The following PKNOX1 variants were observed in gnomAD, a reference collection of about 807,000 sequenced individuals.
PKNOX1 encodes homeobox protein PKNOX1.
In PKNOX1, 15 loss-of-function variants were observed where a neutral mutation model predicts 51.9. That is an observed-to-expected ratio of 0.29 (90% CI 0.19 to 0.45). The LOEUF is 0.45. PKNOX1 is among the 20% of genes least tolerant of loss of function. The pLI is 1.00. For missense variants in PKNOX1, 462 were observed against 547.5 expected, an observed-to-expected ratio of 0.84 and a Z score of 1.56; for synonymous variants, 219 against 211.1, an observed-to-expected ratio of 1.04 and a Z score of -0.32.
chr21:42,987,402 A>ATATATATAT (rs1386575562), intron 1 of PKNOX1, among the ~76,000 whole-genome samples: 2 of 62,584 alleles, frequency 3.2e-5, no homozygotes, highest in African/African-American at 6.0e-5. Context: ...AAAAAAAAAA[A>ATATATATAT]AAATATATAT....
chr21:43,029,147 T>A (rs972908145), intron 10 of PKNOX1, among the ~76,000 whole-genome samples: 5 of 152,214 alleles, frequency 3.3e-5, no homozygotes, highest in Non-Finnish European at 7.3e-5. Context: ...GTCATGCCCA[T>A]GGATCTTCTC....
At chr21:42,993,467 T>C (rs2059099711) in intron 1 of PKNOX1, among the ~76,000 whole-genome samples, 2 of 151,998 alleles carry the variant, frequency 1.3e-5, no homozygotes, top group South Asian at 4.1e-4. Context: ...ACCTTCAGTT[T>C]GTGGAAGTGG....
intron 1 of PKNOX1, among the ~76,000 whole-genome samples, chr21:42,980,942 G>A (rs1433788463): frequency 1.3e-5 from 2 of 152,176 alleles, no homozygotes; most frequent in African/African-American, 4.8e-5. Flanking sequence ...TCCATTTGTA[G>A]GAATATATGG....
At chr21:43,000,566 CCCACAACA>C (rs2146256630) in intron 1 of PKNOX1, among the ~76,000 whole-genome samples, 1 of 152,268 alleles carries the variant, frequency 6.6e-6, no homozygotes. Flanking sequence ...CTGGGTCCCT[CCCACAACA>C]CGTGGGAATT....
Position 43,018,474 on chromosome 21 carries a change from C to CA in PKNOX1, c.720+244_720+245insA. Among the ~76,000 whole-genome samples the CA allele has an allele frequency of 1.4e-3, 20 of 14,440 alleles. 7 individuals are homozygous for CA. The highest frequency in any genetic ancestry group is 1.8e-3 in the Non-Finnish European group (12 of 6,652). 9.5% of individuals were successfully genotyped at this position (14,440 alleles called of 152,430 possible). ...GTCACTCATAACCACCCCCTGCCAC[C>CA]CACACACACACACACACACACACAC... On this transcript the variant is annotated intron_variant, in intron 7 of 10. Coordinates refer to ENST00000291547, the MANE Select transcript of PKNOX1 (RefSeq NM_004571.5).
intron 1 of PKNOX1, among the ~76,000 whole-genome samples, chr21:42,978,853 C>G (rs998010192): frequency 9.2e-5 from 14 of 152,248 alleles, no homozygotes; most frequent in African/African-American, 3.1e-4. Context: ...CTCCTGGCCT[C>G]AAGTGGTCCT....
At chr21:42,978,435 A>T (rs1015039766) in intron 1 of PKNOX1, among the ~76,000 whole-genome samples, 1 of 148,728 alleles carries the variant, frequency 6.7e-6, no homozygotes, top group African/African-American at 2.5e-5. Flanking sequence ...TTGGAAAGAA[A>T]CTTCTGCTTT....
At chr21:43,023,334 C>T (rs1331631967) in intron 8 of PKNOX1, among the ~76,000 whole-genome samples, 1 of 152,106 alleles carries the variant, frequency 6.6e-6, no homozygotes, top group Non-Finnish European at 1.5e-5. Flanking sequence ...TGCTGAGGCA[C>T]ATCTGAGGCC....
At chr21:42,999,248 G>A (rs1369815209) in intron 1 of PKNOX1, among the ~76,000 whole-genome samples, 1 of 152,236 alleles carries the variant, frequency 6.6e-6, no homozygotes, top group Non-Finnish European at 1.5e-5. Context: ...CAGCTGGGAT[G>A]CAGGGCACCA....
chr21:43,000,832 A>G (rs977441147), intron 1 of PKNOX1, among the ~76,000 whole-genome samples: 2 of 152,178 alleles, frequency 1.3e-5, no homozygotes, highest in African/African-American at 4.8e-5. Context: ...CCAGTGAGCT[A>G]TGATTGCAAC....
chr21:42,999,394 T>G (rs759896134), intron 1 of PKNOX1, among the ~76,000 whole-genome samples: 2 of 152,226 alleles, frequency 1.3e-5, no homozygotes, highest in African/African-American at 2.4e-5. Flanking sequence ...TTTTCCCCAT[T>G]GTCTGGGGGA....
At chr21:42,977,304 A>T (rs1405629890) in intron 1 of PKNOX1, among the ~76,000 whole-genome samples, 2 of 152,186 alleles carry the variant, frequency 1.3e-5, no homozygotes, top group Admixed American at 1.3e-4. Flanking sequence ...CTAAGCACTG[A>T]GTTCTCTCTA....
chr21:42,979,652 G>A (rs991310778), intron 1 of PKNOX1, among the ~76,000 whole-genome samples: 1 of 152,170 alleles, frequency 6.6e-6, no homozygotes, highest in Non-Finnish European at 1.5e-5. Context: ...TAAGGCAGGA[G>A]AATGGCGTGA....
At chr21:43,014,312 C>T (rs1362350168) in intron 5 of PKNOX1, among the ~76,000 whole-genome samples, 3 of 152,146 alleles carry the variant, frequency 2.0e-5, no homozygotes, top group African/African-American at 7.2e-5. Flanking sequence ...TGAGCTACCA[C>T]GCCTGGCCGT....
At position 42,981,563 on chromosome 21, in the gene PKNOX1, A is replaced by T. The variant is rs534939399; in HGVS notation, c.-57+6899A>T. On this transcript the variant is annotated intron_variant, in intron 1 of 10. Transcript: ENST00000291547. ...TTATTATTTATTTTATTTAATTTTAATTTTATTTTATTTTGAGATAGGGTC... is the reference window on the plus strand; with the variant it reads ...TTATTATTTATTTTATTTAATTTTATTTTTATTTTATTTTGAGATAGGGTC... Among the ~76,000 whole-genome samples the T allele has an allele frequency of 5.7e-5, 8 of 140,730 alleles. No individual in the cohort carries two copies. In the South Asian group the frequency reaches 6.5e-4, roughly 12 times the overall value. The allele number at this position is 140,730 out of a possible 152,430, so 92.3% of individuals were successfully genotyped here.
intron 8 of PKNOX1, among the ~76,000 whole-genome samples, chr21:43,023,563 T>C (rs1393432495): frequency 6.6e-6 from 1 of 152,168 alleles, no homozygotes. Context: ...GGAGAAATTA[T>C]TTACCATAGC....
At chr21:42,994,782 A>G (rs1256831108) in intron 1 of PKNOX1, among the ~76,000 whole-genome samples, 1 of 152,156 alleles carries the variant, frequency 6.6e-6, no homozygotes, top group Non-Finnish European at 1.5e-5. Flanking sequence ...ATAACACTCA[A>G]TCTCTAATAG....
chr21:42,977,728 T>A (rs1446253086), intron 1 of PKNOX1, among the ~76,000 whole-genome samples: 3 of 151,878 alleles, frequency 2.0e-5, no homozygotes, highest in Non-Finnish European at 4.4e-5. Context: ...TTTGTATTTT[T>A]AGTAGAGACG....
chr21:43,014,019 C>CTTTTT (rs149943829), intron 5 of PKNOX1, among the ~76,000 whole-genome samples: 5 of 120,426 alleles, frequency 4.2e-5, no homozygotes, highest in East Asian at 2.4e-4. Flanking sequence ...TGTCTTTTGC[C>CTTTTT]TTTTTTTTTT....
Sources: allele counts gnomAD v4.1 joint callset (sites outside exome capture counted in the v4.1 genomes callset), GRCh38; gene constraint gnomAD v4.1.1; transcripts MANE v1.5; gene names NCBI Gene and HGNC (gene_info 2026-07-23, HGNC 2026-07-21).